The following QTMAN variants were observed in gnomAD, a reference collection of about 807,000 sequenced individuals.
QTMAN encodes queuosine-tRNA mannosyltransferase.
At chr2:143,989,675 A>G in the QTMAN span, among the ~76,000 whole-genome samples, 8,237 of 152,260 alleles carry the variant, frequency 0.054, 384 homozygotes, top group African/African-American at 0.12. Flanking sequence ...ATACATATAT[A>G]TACACACACA....
chr2:144,013,442 T>G, the QTMAN span, among the ~76,000 whole-genome samples: 6,807 of 152,200 alleles, frequency 0.045, 254 homozygotes, highest in East Asian at 0.17. Flanking sequence ...GCATATTTTA[T>G]ATAATAGAGA....
chr2:144,129,096 G>A, the QTMAN span, among the ~76,000 whole-genome samples: 9 of 151,652 alleles, frequency 5.9e-5, no homozygotes, highest in African/African-American at 1.7e-4. Context: ...TAAGGATTCC[G>A]TATTATAAAA....
At chr2:144,154,162 T>C in the QTMAN span, among the ~76,000 whole-genome samples, 9 of 152,296 alleles carry the variant, frequency 5.9e-5, no homozygotes, top group East Asian at 1.7e-3. Flanking sequence ...CAAAAGTGAA[T>C]AGTTTTATTT....
At chr2:144,177,253 A>AAT in the QTMAN span, 2 of 317,442 alleles carry the variant, frequency 6.3e-6, no homozygotes, top group Non-Finnish European at 5.6e-6. Flanking sequence ...TGATCCCAAT[A>AAT]AAAAAAAAAA....
chr2:144,187,661 G>A, the QTMAN span, among the ~76,000 whole-genome samples: 1 of 152,174 alleles, frequency 6.6e-6, no homozygotes. Flanking sequence ...TATACATGAT[G>A]ATACCAGACA....
the QTMAN span, chr2:144,176,996 C>A: frequency 3.5e-6 from 2 of 569,888 alleles, no homozygotes; most frequent in South Asian, 4.8e-5. Context: ...CTTACATGGT[C>A]AGAGCAGGAC....
the QTMAN span, among the ~76,000 whole-genome samples, chr2:144,309,864 C>A: frequency 6.6e-6 from 1 of 152,164 alleles, no homozygotes; most frequent in Non-Finnish European, 1.5e-5. Context: ...ACAGGTTTAA[C>A]CCCTAGGTAA....
the QTMAN span, among the ~76,000 whole-genome samples, chr2:144,232,397 T>C: frequency 6.6e-6 from 1 of 152,186 alleles, no homozygotes; most frequent in Non-Finnish European, 1.5e-5. Flanking sequence ...CACAATTTTA[T>C]CTTAAAGTAC....
the QTMAN span, among the ~76,000 whole-genome samples, chr2:143,965,914 C>T: frequency 6.6e-6 from 1 of 152,196 alleles, no homozygotes; most frequent in East Asian, 1.9e-4. Context: ...CTTCAGATAC[C>T]AGCTGGGTTG....
chr2:144,152,243 G>C, the QTMAN span, among the ~76,000 whole-genome samples: 2 of 152,170 alleles, frequency 1.3e-5, no homozygotes, highest in Non-Finnish European at 2.9e-5. Context: ...AAAGACTGTA[G>C]GCACAACCTG....
the QTMAN span, among the ~76,000 whole-genome samples, chr2:144,295,949 G>A: frequency 5.4e-3 from 816 of 151,994 alleles, 5 homozygotes; most frequent in African/African-American, 0.019. Flanking sequence ...TAACATTTTC[G>A]GTAACTTTTA....
chr2:144,103,358 T>G, the QTMAN span, among the ~76,000 whole-genome samples: 2 of 152,212 alleles, frequency 1.3e-5, no homozygotes, highest in Non-Finnish European at 2.9e-5. Context: ...ACAGTGAGTA[T>G]CTGTTCATCT....
At chr2:144,072,289 A>T in the QTMAN span, among the ~76,000 whole-genome samples, 1 of 152,108 alleles carries the variant, frequency 6.6e-6, no homozygotes, top group Admixed American at 6.6e-5. Flanking sequence ...TATATCTCTA[A>T]TTTTTTTGGT....
chr2:144,036,025 T>C, the QTMAN span, among the ~76,000 whole-genome samples: 1 of 152,188 alleles, frequency 6.6e-6, no homozygotes, highest in South Asian at 2.1e-4. Flanking sequence ...TGGAAATCCC[T>C]CTAATCAGGA....
the QTMAN span, among the ~76,000 whole-genome samples, chr2:144,250,752 A>G: frequency 2.4e-4 from 23 of 97,750 alleles, no homozygotes; most frequent in Middle Eastern, 4.8e-3. Context: ...TTTAAGGCCG[A>G]AAAAAAAAAA....
chr2:144,055,036 T>C, the QTMAN span, among the ~76,000 whole-genome samples: 1 of 152,154 alleles, frequency 6.6e-6, no homozygotes, highest in African/African-American at 2.4e-5. Context: ...CAACTTATGT[T>C]TGATGCTCTG....
chr2:144,068,523 A>C, the QTMAN span, among the ~76,000 whole-genome samples: 1 of 152,250 alleles, frequency 6.6e-6, no homozygotes, highest in East Asian at 1.9e-4. Context: ...TAAAATTACA[A>C]AACCAATTTT....
chr2:144,295,608 TTTTG>T, the QTMAN span, among the ~76,000 whole-genome samples: 9 of 152,036 alleles, frequency 5.9e-5, no homozygotes, highest in African/African-American at 2.2e-4. Context: ...AAGGCAGCTT[TTTTG>T]TTTTTGTTTT....
At chr2:144,142,010 T>C in the QTMAN span, 7 of 1,610,978 alleles carry the variant, frequency 4.3e-6, no homozygotes, top group Non-Finnish European at 5.1e-6. Flanking sequence ...TGAGAAATGA[T>C]TCCATATTAA....
Sources: allele counts gnomAD v4.1 joint callset (sites outside exome capture counted in the v4.1 genomes callset), GRCh38; gene constraint gnomAD v4.1.1; transcripts MANE v1.5; gene names NCBI Gene and HGNC (gene_info 2026-07-23, HGNC 2026-07-21).